The following GLIS3 variants were observed in gnomAD, a reference collection of about 807,000 sequenced individuals.
GLIS3 encodes GLIS family zinc finger 3, also known as zinc finger protein GLIS3.
Under a neutral mutation model 78.6 loss-of-function variants are expected in GLIS3, and 53 were observed. The ratio of observed to expected loss-of-function variants is 0.67; its 90% CI spans 0.54 to 0.85. The LOEUF (loss-of-function observed/expected upper bound fraction) is 0.85, where lower values mean the gene tolerates loss of function less well. Ranked by LOEUF, GLIS3 falls within the 40% of genes least tolerant of loss-of-function variation. The pLI is 0.00. For missense variants in GLIS3, 1,703 were observed against 1,231.1 expected, an observed-to-expected ratio of 1.38 and a Z score of -5.74; for synonymous variants, 684 against 509.9, an observed-to-expected ratio of 1.34 and a Z score of -4.60.
chr9:4,160,727 C>T (rs759752698), intron 2 of GLIS3, among the ~76,000 whole-genome samples: 4 of 152,176 alleles, frequency 2.6e-5, no homozygotes, highest in Non-Finnish European at 4.4e-5. Flanking sequence ...GTAATTCTAA[C>T]GAACTCTGTA....
chr9:4,147,395 T>C (rs1195751725), intron 2 of GLIS3: 1 of 152,132 alleles, frequency 6.6e-6, no homozygotes, highest in Non-Finnish European at 1.5e-5. Flanking sequence ...CATTTTAAAG[T>C]GTTAGAAGTA....
chr9:3,842,388 C>G (rs1452970697), intron 9 of GLIS3, among the ~76,000 whole-genome samples: 2 of 152,108 alleles, frequency 1.3e-5, no homozygotes, highest in Non-Finnish European at 2.9e-5. Context: ...AGAAGAATTG[C>G]TTGAACCTGG....
intron 6 of GLIS3, among the ~76,000 whole-genome samples, chr9:3,920,411 A>C (rs1205337265): frequency 6.6e-6 from 1 of 152,188 alleles, no homozygotes; most frequent in African/African-American, 2.4e-5. Flanking sequence ...TAAAGTGTCT[A>C]ATCAATTTCA....
chr9:4,093,189 CAG>C (rs1829668299), intron 4 of GLIS3, among the ~76,000 whole-genome samples: 1 of 151,260 alleles, frequency 6.6e-6, no homozygotes, highest in Non-Finnish European at 1.5e-5. Context: ...CTGTAAGTGG[CAG>C]AGTCATGATT....
the GLIS3 span, among the ~76,000 whole-genome samples, chr9:4,358,197 T>C: frequency 6.6e-6 from 1 of 152,194 alleles, no homozygotes; most frequent in African/African-American, 2.4e-5. Context: ...CTGCATAAAC[T>C]GTAAATACTA....
chr9:4,044,488 T>G (rs1001267818), intron 4 of GLIS3, among the ~76,000 whole-genome samples: 2 of 152,216 alleles, frequency 1.3e-5, no homozygotes, highest in African/African-American at 4.8e-5. Context: ...ACTCCACGCC[T>G]GGTCCTATTC....
At chr9:3,878,315 G>A (rs1035415947) in intron 8 of GLIS3, among the ~76,000 whole-genome samples, 1 of 152,028 alleles carries the variant, frequency 6.6e-6, no homozygotes, top group Non-Finnish European at 1.5e-5. Flanking sequence ...ATTCAAACCT[G>A]TAAGGGCAGG....
chr9:4,111,075 A>G (rs1339275823), intron 4 of GLIS3, among the ~76,000 whole-genome samples: 1 of 152,228 alleles, frequency 6.6e-6, no homozygotes, highest in Admixed American at 6.5e-5. Context: ...AGAACTGAGA[A>G]AAACACATTT....
At chr9:3,946,306 G>A (rs1022262547) in intron 4 of GLIS3, among the ~76,000 whole-genome samples, 1 of 152,256 alleles carries the variant, frequency 6.6e-6, no homozygotes, top group African/African-American at 2.4e-5. Flanking sequence ...TACTTGGCAA[G>A]TGATTGTAGA....
At chr9:4,002,365 A>T (rs73388247) in intron 4 of GLIS3, among the ~76,000 whole-genome samples, 1,938 of 152,326 alleles carry the variant, frequency 0.013, 50 homozygotes, top group African/African-American at 0.044. Context: ...ATGTTAAGAC[A>T]ATAAATTTGT....
rs563958188 is a variant in GLIS3 at position 4,254,421 on chromosome 9, G to A, written c.388+31617C>T. 5.3e-5 allele frequency among the ~76,000 whole-genome samples: 8 copies of A among 152,310 alleles called. No homozygotes were observed. In the South Asian group the frequency reaches 1.0e-3, roughly 20 times the overall value. Reference sequence around the variant, plus strand: ...CATATACTATACTACTGGTGGAGAAGACTAGCCATTATAAAGCAATTCCAA... The same window carrying A: ...CATATACTATACTACTGGTGGAGAAAACTAGCCATTATAAAGCAATTCCAA... On this transcript the variant is annotated intron_variant, in intron 2 of 10. Coordinates refer to ENST00000381971, the MANE Select transcript of GLIS3 (RefSeq NM_001042413.2).
intron 7 of GLIS3, among the ~76,000 whole-genome samples, chr9:3,887,276 T>C (rs1019869155): frequency 6.6e-6 from 1 of 152,166 alleles, no homozygotes; most frequent in Non-Finnish European, 1.5e-5. Context: ...CACAAGCTAA[T>C]TGACAGCAAA....
chr9:4,243,350 C>G (rs966745842), intron 2 of GLIS3, among the ~76,000 whole-genome samples: 1 of 151,950 alleles, frequency 6.6e-6, no homozygotes, highest in African/African-American at 2.4e-5. Flanking sequence ...TCAGGTGATC[C>G]CAGTAGACAG....
At chr9:4,316,811 A>T (rs887746161) in intron 2 of GLIS3, among the ~76,000 whole-genome samples, 2 of 152,248 alleles carry the variant, frequency 1.3e-5, no homozygotes, top group Non-Finnish European at 2.9e-5. Context: ...TCTTTTAAAA[A>T]TGTATGCATA....
chr9:4,096,009 CAAAAA>C (rs34499061), intron 4 of GLIS3, among the ~76,000 whole-genome samples: 1 of 103,550 alleles, frequency 9.7e-6, no homozygotes, highest in African/African-American at 3.4e-5. Context: ...GTAACCTATA[CAAAAA>C]AAAAAAAAAA....
intron 4 of GLIS3, among the ~76,000 whole-genome samples, chr9:4,058,644 G>C (rs1465695497): frequency 6.6e-6 from 1 of 152,078 alleles, no homozygotes; most frequent in Non-Finnish European, 1.5e-5. Flanking sequence ...ACATTTGCTT[G>C]CTCCTTCTTA....
At chr9:4,486,747 T>C in the GLIS3 span, among the ~76,000 whole-genome samples, 1 of 152,204 alleles carries the variant, frequency 6.6e-6, no homozygotes, top group South Asian at 2.1e-4. Flanking sequence ...TGGAGTGCAG[T>C]GGTGCAATCA....
At chr9:4,260,029 A>G (rs549617696) in intron 2 of GLIS3, among the ~76,000 whole-genome samples, 1 of 152,288 alleles carries the variant, frequency 6.6e-6, no homozygotes, top group African/African-American at 2.4e-5. Flanking sequence ...CAGAGGGAGA[A>G]AGGAAAGAGA....
the GLIS3 span, among the ~76,000 whole-genome samples, chr9:4,405,005 C>T: frequency 6.6e-6 from 1 of 151,712 alleles, no homozygotes; most frequent in Admixed American, 6.6e-5. Context: ...GAGGGGAGAC[C>T]CAAATGAATA....
Sources: gnomAD v4.1 joint callset for allele counts (sites outside exome capture counted in the v4.1 genomes callset) on GRCh38, gnomAD v4.1.1 for gene constraint, MANE v1.5 for transcripts, NCBI Gene and HGNC (gene_info 2026-07-23, HGNC 2026-07-21) for gene names.